The following DRD2 variants were observed in gnomAD, a reference collection of about 807,000 sequenced individuals.
DRD2 encodes the protein dopamine receptor D2, also known as D(2) dopamine receptor.
Under a neutral mutation model 38.0 loss-of-function variants are expected in DRD2, and 8 were observed. The ratio of observed to expected loss-of-function variants is 0.21; its 90% CI spans 0.12 to 0.38. The LOEUF (loss-of-function observed/expected upper bound fraction) is 0.38, where lower values mean the gene tolerates loss of function less well. Ranked by LOEUF, DRD2 falls within the 10% of genes least tolerant of loss-of-function variation. The pLI is 1.00. For missense variants in DRD2, 403 were observed against 607.7 expected (o/e 0.66, Z 3.54); for synonymous variants, 230 against 238.6 (o/e 0.96, Z 0.33).
intron 2 of DRD2, among the ~76,000 whole-genome samples, chr11:113,420,822 G>A (rs186713203): frequency 7.0e-4 from 107 of 152,286 alleles, no homozygotes; most frequent in African/African-American, 2.1e-3. Context: ...AGATCACTTG[G>A]TGATTTAGTA....
At position 113,416,857 on chromosome 11, in the gene DRD2, A is replaced by T; in HGVS notation, c.532+6T>A. The T allele has an allele frequency of 1.2e-6, 2 of 1,613,644 alleles. No individual in the cohort carries two copies. The highest frequency in any genetic ancestry group is 1.7e-6 in the Non-Finnish European group (2 of 1,179,776). On this transcript the variant is annotated splice_donor_region_variant and intron_variant, in intron 4 of 7. Transcript: ENST00000362072. Reference sequence around the variant, plus strand: ...TGAGCCTCAGGCAAACAAAAGCAGAATGTACCTGCGTTATTGAGTCCGAAG... The same window carrying T: ...TGAGCCTCAGGCAAACAAAAGCAGATTGTACCTGCGTTATTGAGTCCGAAG...
At chr11:113,426,212 G>A (rs1043598629) in intron 1 of DRD2, among the ~76,000 whole-genome samples, 1 of 152,000 alleles carries the variant, frequency 6.6e-6, no homozygotes, top group African/African-American at 2.4e-5. Context: ...GGACAAGCAG[G>A]GAGATAAGGA....
rs571218398 is a variant in DRD2, at chr11:113,418,167, G to A, written c.286-31C>T. The A allele has an allele frequency of 1.5e-5, 23 of 1,571,004 alleles. 1 individual carries two copies. In the South Asian group the frequency reaches 2.5e-4, roughly 17 times the overall value. On this transcript the variant is annotated intron_variant, in intron 2 of 7. Coordinates refer to ENST00000362072, the MANE Select transcript of DRD2 (RefSeq NM_000795.4). The stretch of plus-strand genomic sequence containing the variant: ...GACAAAGCAACATAATGGATGGACA[G>A]CAGGAGTGGGAGATTAGCTTAGGTC...
At chr11:113,423,710 C>G (rs1385318448) in intron 2 of DRD2, among the ~76,000 whole-genome samples, 2 of 152,162 alleles carry the variant, frequency 1.3e-5, no homozygotes, top group African/African-American at 4.8e-5. Context: ...AGGTGCAGAG[C>G]TGGGCCAAGA....
rs77995019 is a variant in DRD2 at position 113,418,656 on chromosome 11, G to T, written c.286-520C>A. ...CTCTCAAATGCAAGCCAGCCACCCC[G>T]TTTCTCTAATTCACACACACACCAA... is the stretch of plus-strand genomic sequence containing the variant. On this transcript the variant is annotated intron_variant, in intron 2 of 7. Transcript: ENST00000362072. Among the ~76,000 whole-genome samples the T allele has an allele frequency of 2.0e-5, 3 of 152,154 alleles. No individual in the cohort carries two copies. The South Asian group carries it at 6.2e-4, about 32-fold the overall frequency.
intron 1 of DRD2, among the ~76,000 whole-genome samples, chr11:113,466,483 A>G (rs891199567): frequency 6.6e-6 from 1 of 152,144 alleles, no homozygotes; most frequent in African/African-American, 2.4e-5. Flanking sequence ...CAACCATTCA[A>G]TATTCCCCAA....
intron 1 of DRD2, among the ~76,000 whole-genome samples, chr11:113,425,495 T>C (rs1950932507): frequency 6.6e-6 from 1 of 152,086 alleles, no homozygotes; most frequent in South Asian, 2.1e-4. Context: ...TAGAGGGCCT[T>C]AAAAGTCATG....
At chr11:113,464,673 G>A (rs1175574342) in intron 1 of DRD2, among the ~76,000 whole-genome samples, 1 of 152,174 alleles carries the variant, frequency 6.6e-6, no homozygotes, top group Non-Finnish European at 1.5e-5. Flanking sequence ...TACAAATTTA[G>A]TTACTCCACT....
rs1375692688 is a variant in DRD2, at chr11:113,438,099, G to A, written c.-31-13417C>T. On this transcript the variant is annotated intron_variant, in intron 1 of 7. Transcript: ENST00000362072. ...CACTCCACATCCTGGGGCCAACATT[G>A]AGGCCTTCCTAAGCAGTGATGCCCA... 3.3e-5 allele frequency among the ~76,000 whole-genome samples: 5 copies of A among 152,136 alleles called. No homozygotes were observed. The South Asian group carries it at 8.3e-4, about 25-fold the overall frequency.
At chr11:113,447,165 C>A (rs1271770176) in intron 1 of DRD2, among the ~76,000 whole-genome samples, 1 of 152,214 alleles carries the variant, frequency 6.6e-6, no homozygotes, top group East Asian at 1.9e-4. Flanking sequence ...CCCACCCTCC[C>A]CGGGGCCTGG....
intron 1 of DRD2, among the ~76,000 whole-genome samples, chr11:113,439,914 G>T (rs1032368775): frequency 5.1e-5 from 7 of 137,838 alleles, no homozygotes; most frequent in Admixed American, 3.0e-4. Flanking sequence ...ACTCACCCAG[G>T]TTCATAGAGC....
At chr11:113,441,369 T>G (rs1951090327) in intron 1 of DRD2, among the ~76,000 whole-genome samples, 1 of 152,226 alleles carries the variant, frequency 6.6e-6, no homozygotes, top group Non-Finnish European at 1.5e-5. Context: ...GCTAATCTCC[T>G]TCATGCCCAG....
At chr11:113,414,098 T>C (rs1950797481) in intron 6 of DRD2, 2 of 493,348 alleles carry the variant, frequency 4.1e-6, no homozygotes, top group Admixed American at 3.2e-5. Context: ...AGGGATATGG[T>C]AGATGTTTGA....
intron 1 of DRD2, among the ~76,000 whole-genome samples, chr11:113,446,398 C>T (rs1374021179): frequency 1.3e-5 from 2 of 152,192 alleles, no homozygotes; most frequent in South Asian, 2.1e-4. Context: ...GACTGTTCAC[C>T]GTATACTGGA....
At chr11:113,447,727 G>A (rs900350531) in intron 1 of DRD2, 1 of 152,206 alleles carries the variant, frequency 6.6e-6, no homozygotes, top group Non-Finnish European at 1.5e-5. Flanking sequence ...CTGGCTTCTG[G>A]CCCCTGCTCT....
chr11:113,455,620 A>C (rs1296111668), intron 1 of DRD2, among the ~76,000 whole-genome samples: 1 of 152,232 alleles, frequency 6.6e-6, no homozygotes, highest in Non-Finnish European at 1.5e-5. Context: ...AAGAATGTGC[A>C]AAGGACCTGA....
intron 4 of DRD2, 104 bp downstream of exon 4, chr11:113,416,759 G>T: frequency 6.6e-7 from 1 of 1,509,448 alleles, no homozygotes; most frequent in Non-Finnish European, 9.0e-7. Context: ...CCTCCATTGG[G>T]CCTCCACCCA....
rs531731355 is a variant in DRD2 at position 113,442,313 on chromosome 11, C to G, written c.-31-17631G>C. On this transcript the variant is annotated intron_variant, in intron 1 of 7. Transcript: ENST00000362072. ...ACTCAGTTTACATTAACTACCAGGT[C>G]CCAGAATGTATCTAAGTTTGTGCCC... is the stretch of plus-strand genomic sequence containing the variant. Among the ~76,000 whole-genome samples the G allele has an allele frequency of 2.2e-4, 34 of 152,316 alleles. 1 individual carries two copies. Among genetic ancestry groups the G allele is most frequent in the Admixed American group, 1.5e-3 (23 of 15,304 alleles).
chr11:113,472,467 G>T (rs992218951), intron 1 of DRD2, among the ~76,000 whole-genome samples: 1 of 152,174 alleles, frequency 6.6e-6, no homozygotes, highest in Non-Finnish European at 1.5e-5. Context: ...CTCAATTTCA[G>T]ATTCTCCTAT....
Sources: gnomAD v4.1 joint callset for allele counts (sites outside exome capture counted in the v4.1 genomes callset) on GRCh38, gnomAD v4.1.1 for gene constraint, MANE v1.5 for transcripts, NCBI Gene and HGNC (gene_info 2026-07-23, HGNC 2026-07-21) for gene names.